The following GPAM variants were observed in gnomAD, a reference collection of about 807,000 sequenced individuals.
GPAM encodes glycerol-3-phosphate acyltransferase 1, mitochondrial.
In GPAM, 56 loss-of-function variants were observed where a neutral mutation model predicts 105.0. The observed-to-expected ratio is 0.53, with a 90% CI of 0.43 to 0.67. The LOEUF is 0.67. Ranked by LOEUF, GPAM falls within the 30% of genes least tolerant of loss-of-function variation. GPAM has a pLI of 0.00. For missense variants in GPAM, 855 were observed against 989.8 expected (o/e 0.86, Z 1.83); for synonymous variants, 368 against 354.4 (o/e 1.04, Z -0.43).
At position 112,166,387 on chromosome 10, in the gene GPAM, T is replaced by C; in HGVS notation, c.1221+15A>G. ...GTAGATGCTTCAACATGGTTTCATT[T>C]CAACAGACACTCACCTTTAAGGAAA... On this transcript the variant is annotated intron_variant, in intron 12 of 21. Transcript: ENST00000348367. 7.2e-7 allele frequency: 1 copy of C among 1,387,792 alleles called. No individual in the cohort carries two copies. The highest frequency in any genetic ancestry group is 1.0e-6 in the Non-Finnish European group (1 of 973,596). 86.0% of individuals were successfully genotyped at this position (1,387,792 alleles called of 1,614,324 possible).
Position 112,157,255 on chromosome 10 carries a change from G to T in GPAM, c.2115C>A (p.Tyr705Ter), listed in dbSNP as rs776444192. 6.2e-6 allele frequency: 10 copies of T among 1,613,386 alleles called. No homozygotes were observed. ...SDFGEEQRDC[Y>*]LKVSQSKEHQ... The stretch of plus-strand genomic sequence containing the variant: ...GAATTCTTCACCCAAGTACCTTCAG[G>T]TAGCAATCTCGCTGTTCCTCCCCAA... Residue 705 changes from tyrosine (Y) to a stop codon, truncating the protein, a stop_gained, in exon 19 of 22, where the codon TAC (tyrosine) becomes TAA (stop). Coordinates refer to ENST00000348367, the MANE Select transcript of GPAM (RefSeq NM_001244949.2). LOFTEE classifies it high-confidence loss of function.
chr10:112,225,498 G>T, the GPAM span, among the ~76,000 whole-genome samples: 1 of 152,150 alleles, frequency 6.6e-6, no homozygotes, highest in African/African-American at 2.4e-5. Flanking sequence ...CAGTCAGCCA[G>T]CCTGATTCCA....
At chr10:112,157,198 T>C in intron 19 of GPAM, 51 bp downstream of exon 19, 2 of 1,537,386 alleles carry the variant, frequency 1.3e-6, no homozygotes, top group Non-Finnish European at 1.8e-6. Context: ...CACTGCAGCA[T>C]AAACCTCAAC....
At chr10:112,195,006 C>G (rs570960824) in intron 1 of GPAM, among the ~76,000 whole-genome samples, 1 of 152,304 alleles carries the variant, frequency 6.6e-6, no homozygotes, top group South Asian at 2.1e-4. Flanking sequence ...TCCAAAATAT[C>G]ACCATCTTCA....
At chr10:112,222,341 A>T in the GPAM span, among the ~76,000 whole-genome samples, 1 of 152,210 alleles carries the variant, frequency 6.6e-6, no homozygotes, top group Non-Finnish European at 1.5e-5. Flanking sequence ...GATTCTAGTC[A>T]TTAAGAGTCC....
chr10:112,191,855 C>G (rs1847662816), intron 1 of GPAM, among the ~76,000 whole-genome samples: 1 of 152,138 alleles, frequency 6.6e-6, no homozygotes, highest in African/African-American at 2.4e-5. Context: ...GCTCTGAGAT[C>G]CTTCAGATGC....
intron 1 of GPAM, among the ~76,000 whole-genome samples, chr10:112,212,035 C>T (rs1463735510): frequency 6.6e-6 from 1 of 152,140 alleles, no homozygotes; most frequent in East Asian, 1.9e-4. Context: ...CGGCCCAAAG[C>T]AGGTGTCCCC....
chr10:112,164,557 C>T lies in GPAM; in HGVS notation c.1275G>A (p.Glu425=). ...GAAGTATAGCTGGTAACAACGCTTG[C>T]TCCAGGGAAAGTAGAGCAGACACCG... ...QKPVSALLSL[E]QALLPAILPS... is the part of the protein sequence containing the mutation. The change falls in exon 13 of 22, where the codon GAG becomes GAA. Residue 425 remains glutamate (E), a synonymous_variant. Coordinates refer to ENST00000348367, the MANE Select transcript of GPAM (RefSeq NM_001244949.2). 1.2e-6 allele frequency: 2 copies of T among 1,606,174 alleles called. No individual in the cohort carries two copies. The highest frequency in any genetic ancestry group is 1.1e-5 in the South Asian group (1 of 90,938).
At position 112,160,814 on chromosome 10, in the gene GPAM, G is replaced by C. The variant is rs202234246; in HGVS notation, c.1549C>G (p.Leu517Val). 96 of 1,613,594 alleles carry C rather than the reference G, an allele frequency of 5.9e-5. No individual in the cohort carries two copies. The highest frequency in any genetic ancestry group is 2.7e-4 in the Admixed American group (16 of 60,020). The change falls in exon 16 of 22, where the codon CTG (leucine) becomes GTG (valine). Residue 517 changes from leucine to valine, a missense_variant. By Grantham distance (32) the Leu-to-Val change is conservative. Transcript: ENST00000348367. Reference sequence around the variant, plus strand: ...AACCCCAGGTCAAAATCACGAGCCAGGACTTCCTCTTTCATCACAAAGAAG... The same window carrying C: ...AACCCCAGGTCAAAATCACGAGCCACGACTTCCTCTTTCATCACAAAGAAG... ...EDFFVMKEEV[L>V]ARDFDLGFSG...
Position 112,173,008 on chromosome 10 carries a change from G to C in GPAM, c.619C>G (p.His207Asp). The C allele has an allele frequency of 6.2e-7, 1 of 1,608,642 alleles. No homozygotes were observed. Among genetic ancestry groups the C allele is most frequent in the South Asian group, 1.1e-5 (1 of 90,960 alleles). The change falls in exon 8 of 22, where the codon CAC (histidine) becomes GAC (aspartate). Residue 207 changes from histidine to aspartate, a missense_variant. By Grantham distance (81) the His-to-Asp change is moderately conservative. Transcript: ENST00000348367. ...FNSFFWNIQIHKGQLEMVKAA... is the reference protein window; with the variant it reads ...FNSFFWNIQIDKGQLEMVKAA... Reference sequence around the variant, plus strand: ...TTAACCATCTCAAGTTGACCTTTGTGAATTTGAATGTTCCAAAAGAAGCTG... The same window carrying C: ...TTAACCATCTCAAGTTGACCTTTGTCAATTTGAATGTTCCAAAAGAAGCTG...
In GPAM at chr10:112,168,292, T is replaced by TC. The variant is rs1564677975; in HGVS notation, c.1107+19_1107+20insG. The TC allele has an allele frequency of 7.2e-7, 1 of 1,390,682 alleles. No individual in the cohort carries two copies. Among genetic ancestry groups the TC allele is most frequent in the Non-Finnish European group, 1.0e-6 (1 of 975,966 alleles). The allele number at this position is 1,390,682 out of a possible 1,614,324, so 86.1% of individuals were successfully genotyped here. ...AAAAGACTTGATAAGCAAAGAAAAC[T>TC]TTTGTGTAGGTACCCTTACCAGTTG... On this transcript the variant is annotated intron_variant, in intron 11 of 21. Transcript: ENST00000348367.
rs753952971 is a variant in GPAM, at chr10:112,172,184, G to C, written c.792C>G (p.Phe264Leu). The C allele has an allele frequency of 6.2e-7, 1 of 1,605,030 alleles. No individual in the cohort carries two copies. The highest frequency in any genetic ancestry group is 8.5e-7 in the Non-Finnish European group (1 of 1,171,840). Residue 264 changes from phenylalanine to leucine, a missense_variant and splice_region_variant, in exon 9 of 22, where the codon TTC becomes TTG. Phe to Leu is a conservative substitution (Grantham distance 22, BLOSUM62 0). Coordinates refer to ENST00000348367, the MANE Select transcript of GPAM (RefSeq NM_001244949.2). ...ATTCCAAAATAAGCTCATCTTACCT[G>C]AAGATTGGGATGTTGAGATTATTGC... ...ASGNNLNIPI[F>L]STLIHKLGGF...
In GPAM at chr10:112,209,368, T is replaced by C. The variant is rs139743268; in HGVS notation, n.210+5800A>G. 2.2e-4 allele frequency among the ~76,000 whole-genome samples: 34 copies of C among 151,838 alleles called. No individual in the cohort carries two copies. In the East Asian group the frequency reaches 4.1e-3, roughly 18 times the overall value. Reference sequence around the variant, plus strand: ...GTATCTAGTAGTGCGTGTTGTTCTGTCTGGGTAGTGGAAGGGGCCCCACCC... The same window carrying C: ...GTATCTAGTAGTGCGTGTTGTTCTGCCTGGGTAGTGGAAGGGGCCCCACCC... On this transcript the variant is annotated intron_variant and non_coding_transcript_variant, in intron 1 of 3. Transcript: ENST00000480130.
intron 13 of GPAM, 151 bp downstream of exon 13, chr10:112,164,374 C>G (rs567007101): frequency 1.6e-6 from 1 of 627,234 alleles, no homozygotes; most frequent in East Asian, 2.8e-5. Flanking sequence ...GAAAACATGT[C>G]ATCTCAATAT....
intron 1 of GPAM, among the ~76,000 whole-genome samples, chr10:112,193,294 G>A (rs761738705): frequency 3.9e-5 from 6 of 152,192 alleles, no homozygotes; most frequent in Non-Finnish European, 7.3e-5. Flanking sequence ...CAAGGAGGGG[G>A]TCCTGACCAG....
intron 14 of GPAM, 45 bp from the exon 15 acceptor site, chr10:112,161,782 A>C (rs1447586967): frequency 3.4e-6 from 5 of 1,455,882 alleles, no homozygotes; most frequent in Non-Finnish European, 3.9e-6. Context: ...CTTTTTACAA[A>C]CATAGCTGAA....
Position 112,180,526 on chromosome 10 carries a change from G to A in GPAM, c.172C>T (p.Arg58Trp), listed in dbSNP as rs779424143. 85 of 1,612,878 alleles carry A rather than the reference G, an allele frequency of 5.3e-5. 1 individual carries two copies. The highest frequency in any genetic ancestry group is 1.6e-4 in the Middle Eastern group (1 of 6,080). ...TLKWKESLMS[R>W]KRPFVGRCCY... ...CATCTTCCAACAAATGGCCTTTTCC[G>A]ACTCATTAGGCTTTCTTTCCATTTT... Residue 58 changes from arginine to tryptophan, a missense_variant, in exon 4 of 22, where the codon CGG becomes TGG. Physicochemically the swap from Arg to Trp is moderately radical, Grantham distance 101. Transcript: ENST00000348367.
chr10:112,178,161 G>A (rs1847440929), intron 4 of GPAM, 104 bp from the exon 5 acceptor site: 1 of 675,024 alleles, frequency 1.5e-6, no homozygotes, highest in Non-Finnish European at 2.7e-6. Context: ...CATAAAAACA[G>A]ATATTGCCTC....
At chr10:112,221,039 C>A in the GPAM span, among the ~76,000 whole-genome samples, 2 of 152,178 alleles carry the variant, frequency 1.3e-5, no homozygotes, top group Admixed American at 6.5e-5. Context: ...CATCTACTAT[C>A]TCCAGCCCAA....
Sources: gnomAD v4.1 joint callset for allele counts (sites outside exome capture counted in the v4.1 genomes callset) on GRCh38, gnomAD v4.1.1 for gene constraint, MANE v1.5 for transcripts, NCBI Gene and HGNC (gene_info 2026-07-23, HGNC 2026-07-21) for gene names.